Variants in FNDC3A observed in about 807,000 individuals in gnomAD.
The protein encoded by FNDC3A is fibronectin type III domain containing 3A, also known as fibronectin type-III domain-containing protein 3A.
FNDC3A carries 32 observed loss-of-function variants against 148.9 expected under a neutral mutation model. The ratio of observed to expected loss-of-function variants is 0.21; its 90% CI spans 0.16 to 0.29. The LOEUF (loss-of-function observed/expected upper bound fraction) is 0.29, where lower values mean the gene tolerates loss of function less well. Among genes scored for constraint, FNDC3A ranks in the 10% least tolerant of loss-of-function variants. The pLI is 1.00. For synonymous variants in FNDC3A, 472 were observed against 473.6 expected (o/e 1.00, Z 0.04); for missense variants, 1,191 against 1,452.8 (o/e 0.82, Z 2.93).
At position 49,072,234 on chromosome 13, in the gene FNDC3A, T is replaced by C. The variant is rs1037401222; in HGVS notation, c.100-3055T>C. ...ACTGTAGTTTAATTCTTCTGCCTAA[T>C]AGAAAACCGGTTTTCTGAGCACTAT... On this transcript the variant is annotated intron_variant, in intron 2 of 25. Transcript: ENST00000492622. Among the ~76,000 whole-genome samples, 4 of 152,190 alleles carry C rather than the reference T, an allele frequency of 2.6e-5. No individual in the cohort carries two copies. The East Asian group carries it at 7.7e-4, about 29-fold the overall frequency.
chr13:49,014,956 A>G (rs1308940776), intron 2 of FNDC3A, among the ~76,000 whole-genome samples: 3 of 150,806 alleles, frequency 2.0e-5, no homozygotes, highest in Non-Finnish European at 3.0e-5. Flanking sequence ...CCATTGATCT[A>G]TATCTCTGTT....
intron 2 of FNDC3A, among the ~76,000 whole-genome samples, chr13:49,027,231 G>A (rs1873780078): frequency 6.6e-6 from 1 of 152,134 alleles, no homozygotes; most frequent in East Asian, 1.9e-4. Flanking sequence ...AAAGGACGTT[G>A]AGTTTAAACT....
intron 4 of FNDC3A, among the ~76,000 whole-genome samples, chr13:49,118,068 A>AT (rs1287401074): frequency 1.3e-5 from 2 of 152,238 alleles, no homozygotes; most frequent in Admixed American, 1.3e-4. Context: ...TAAGATGAAG[A>AT]TTATCTCTAG....
chr13:49,095,653 T>C (rs1027013307), intron 3 of FNDC3A, among the ~76,000 whole-genome samples: 2 of 152,074 alleles, frequency 1.3e-5, no homozygotes, highest in Non-Finnish European at 1.5e-5. Flanking sequence ...GATATCCTGG[T>C]GAGAAGGACA....
At chr13:49,009,883 CT>C (rs1363824416) in intron 2 of FNDC3A, among the ~76,000 whole-genome samples, 1 of 152,186 alleles carries the variant, frequency 6.6e-6, no homozygotes, top group Non-Finnish European at 1.5e-5. Context: ...ATTATACAGT[CT>C]TTATTAGTAC....
chr13:49,083,418 A>G (rs937365182), intron 3 of FNDC3A, among the ~76,000 whole-genome samples: 1 of 152,220 alleles, frequency 6.6e-6, no homozygotes, highest in South Asian at 2.1e-4. Flanking sequence ...GGGAAAACAA[A>G]TGAAATCTTG....
intron 14 of FNDC3A, among the ~76,000 whole-genome samples, chr13:49,181,743 A>G (rs549986041): frequency 6.6e-6 from 1 of 152,066 alleles, no homozygotes; most frequent in South Asian, 2.1e-4. Context: ...GAACACTTTG[A>G]GAAAAGCTAC....
chr13:49,013,228 T>A (rs997399159), intron 2 of FNDC3A, among the ~76,000 whole-genome samples: 5 of 152,024 alleles, frequency 3.3e-5, no homozygotes, highest in African/African-American at 1.2e-4. Flanking sequence ...GATGGGAGGA[T>A]CACTTGAGCC....
chr13:49,102,887 A>G (rs1261865909), intron 3 of FNDC3A, among the ~76,000 whole-genome samples: 2 of 152,194 alleles, frequency 1.3e-5, no homozygotes, highest in Admixed American at 6.5e-5. Flanking sequence ...GCAGAGAGCT[A>G]TCTTAATAGC....
intron 17 of FNDC3A, 88 bp downstream of exon 17, chr13:49,188,721 C>A: frequency 1.2e-6 from 1 of 806,166 alleles, no homozygotes; most frequent in South Asian, 1.5e-5. Context: ...AATATTGAAA[C>A]ATATCCACAA....
At chr13:49,135,181 T>G in intron 5 of FNDC3A, among the ~76,000 whole-genome samples, 1 of 151,938 alleles carries the variant, frequency 6.6e-6, no homozygotes, top group South Asian at 2.1e-4. Context: ...TTTGGAGAAA[T>G]GTCTATTTGA....
intron 1 of FNDC3A, among the ~76,000 whole-genome samples, chr13:49,000,312 C>A (rs1593454074): frequency 6.6e-6 from 1 of 152,188 alleles, no homozygotes; most frequent in East Asian, 1.9e-4. Context: ...TCCAGTTTTT[C>A]ATACATCATT....
chr13:48,982,350 A>T (rs1242973003), intron 1 of FNDC3A, among the ~76,000 whole-genome samples: 1 of 152,002 alleles, frequency 6.6e-6, no homozygotes, highest in Non-Finnish European at 1.5e-5. Flanking sequence ...ATATATACCT[A>T]AAAAAAATTT....
At chr13:49,017,061 A>G (rs1418211730) in intron 2 of FNDC3A, among the ~76,000 whole-genome samples, 3 of 152,026 alleles carry the variant, frequency 2.0e-5, no homozygotes, top group Non-Finnish European at 4.4e-5. Context: ...TGTGGTGCTG[A>G]AAAAAATGTA....
At chr13:49,149,989 C>T (rs930639688) in intron 8 of FNDC3A, among the ~76,000 whole-genome samples, 1 of 152,086 alleles carries the variant, frequency 6.6e-6, no homozygotes, top group Non-Finnish European at 1.5e-5. Flanking sequence ...CCATAATAGT[C>T]TCTGATGATT....
chr13:49,070,890 TTTTGTTTTG>T (rs1187533418), intron 2 of FNDC3A, among the ~76,000 whole-genome samples: 10 of 145,016 alleles, frequency 6.9e-5, no homozygotes, highest in East Asian at 5.9e-4. Flanking sequence ...TCTTTTTTTT[TTTTGTTTTG>T]TTTTTTTTCT....
chr13:48,987,101 C>G (rs571191006), intron 1 of FNDC3A, among the ~76,000 whole-genome samples: 124 of 152,294 alleles, frequency 8.1e-4, no homozygotes, highest in Non-Finnish European at 1.4e-3. Flanking sequence ...AGTTAACAAT[C>G]TATAATATAA....
At chr13:49,102,711 A>G (rs992574210) in intron 3 of FNDC3A, among the ~76,000 whole-genome samples, 1 of 152,202 alleles carries the variant, frequency 6.6e-6, no homozygotes, top group Non-Finnish European at 1.5e-5. Context: ...CAATTTTTCT[A>G]TAGGAATAAA....
chr13:49,136,760 A>T (rs1882388481), intron 6 of FNDC3A, among the ~76,000 whole-genome samples, 159 bp downstream of exon 6: 1 of 152,222 alleles, frequency 6.6e-6, no homozygotes, highest in Non-Finnish European at 1.5e-5. Context: ...TAGTAATTTC[A>T]TCTATATCGT....
Sources: allele counts gnomAD v4.1 joint callset (sites outside exome capture counted in the v4.1 genomes callset), GRCh38; gene constraint gnomAD v4.1.1; transcripts MANE v1.5; gene names NCBI Gene and HGNC (gene_info 2026-07-23, HGNC 2026-07-21).